The following MICU1 variants were observed in gnomAD, a reference collection of about 807,000 sequenced individuals.
The protein encoded by MICU1 is mitochondrial calcium uptake 1, also known as calcium uptake protein 1, mitochondrial.
MICU1 carries 45 observed loss-of-function variants against 56.8 expected under a neutral mutation model. The ratio of observed to expected loss-of-function variants is 0.79; its 90% confidence interval spans 0.62 to 1.02. The LOEUF (loss-of-function observed/expected upper bound fraction) is 1.02, where lower values mean the gene tolerates loss of function less well. Among genes scored for constraint, MICU1 ranks in the 50% least tolerant of loss-of-function variants. The pLI, the probability that MICU1 is intolerant of heterozygous loss-of-function variation, is 0.00. For synonymous variants in MICU1, 186 were observed against 195.1 expected, an observed-to-expected ratio of 0.95 and a Z score of 0.39; for missense variants, 504 against 587.1, an observed-to-expected ratio of 0.86 and a Z score of 1.46.
intron 10 of MICU1, among the ~76,000 whole-genome samples, chr10:72,388,754 T>C (rs1162787321): frequency 1.3e-5 from 2 of 152,144 alleles, no homozygotes; most frequent in African/African-American, 4.8e-5. Flanking sequence ...TGGTTTGAAA[T>C]GGTAAAGCCA....
intron 4 of MICU1, 125 bp downstream of exon 4, chr10:72,551,054 C>T: frequency 1.1e-6 from 1 of 945,894 alleles, no homozygotes. Context: ...GCCTGATATT[C>T]AATAGACACA....
chr10:72,568,258 T>C lies in MICU1; in HGVS notation c.-1-1464A>G, dbSNP rs77459728. On this transcript the variant is annotated intron_variant, in intron 1 of 11. Transcript: ENST00000361114. ...TGTTTTGTTTTAAATCTGAAACATC[T>C]GTATTAGTGCATATTACTGTTCAAT... 5.0e-4 allele frequency among the ~76,000 whole-genome samples: 76 copies of C among 152,380 alleles called. No individual in the cohort carries two copies. In the East Asian group the frequency reaches 0.014, roughly 29 times the overall value.
At chr10:72,497,874 A>G (rs1047154934) in intron 6 of MICU1, among the ~76,000 whole-genome samples, 1 of 152,246 alleles carries the variant, frequency 6.6e-6, no homozygotes, top group African/African-American at 2.4e-5. Context: ...AAATATTTTT[A>G]GAATTACCAC....
rs536696083 is a variant in MICU1 at position 72,621,261 on chromosome 10, G to A, written c.-2+4749C>T. ...GCCTATAATCCCAGCACTTTGGCTA[G>A]CAGATCACCTGAGGTCAGGAGTTCG... On this transcript the variant is annotated intron_variant, in intron 1 of 11. Transcript: ENST00000361114. Among the ~76,000 whole-genome samples the A allele has an allele frequency of 1.7e-3, 260 of 152,226 alleles. 1 individual carries two copies. The highest frequency in any genetic ancestry group is 3.0e-3 in the Non-Finnish European group (201 of 68,010).
At chr10:72,441,201 C>G (rs1326594065) in intron 8 of MICU1, among the ~76,000 whole-genome samples, 1 of 152,056 alleles carries the variant, frequency 6.6e-6, no homozygotes, top group Non-Finnish European at 1.5e-5. Context: ...ACATATACAC[C>G]ATGGAATACT....
chr10:72,618,687 T>G (rs1196763080), intron 1 of MICU1, among the ~76,000 whole-genome samples: 1 of 152,190 alleles, frequency 6.6e-6, no homozygotes, highest in African/African-American at 2.4e-5. Context: ...CATCTCAAAC[T>G]AGAGAATGCA....
At chr10:72,494,006 T>C (rs1866753372) in intron 6 of MICU1, among the ~76,000 whole-genome samples, 1 of 152,180 alleles carries the variant, frequency 6.6e-6, no homozygotes. Flanking sequence ...ATGAATTTGG[T>C]AGTGAAACGA....
chr10:72,590,524 A>G (rs34906646), intron 1 of MICU1, among the ~76,000 whole-genome samples: 70,350 of 151,902 alleles, frequency 0.46, 20,370 homozygotes, highest in Non-Finnish European at 0.67. Flanking sequence ...AGAAAACAGA[A>G]GACAGGTCGG....
intron 1 of MICU1, among the ~76,000 whole-genome samples, chr10:72,603,135 C>T (rs1841587203): frequency 6.6e-6 from 1 of 151,900 alleles, no homozygotes; most frequent in Non-Finnish European, 1.5e-5. Context: ...GCCTGTAATC[C>T]CCAGCACTTT....
intron 8 of MICU1, among the ~76,000 whole-genome samples, chr10:72,448,053 C>G (rs1164568286): frequency 6.6e-6 from 1 of 150,848 alleles, no homozygotes. Flanking sequence ...TAATTCTCAC[C>G]ATTCAGAAAG....
At chr10:72,606,056 G>A (rs1354393742) in intron 1 of MICU1, among the ~76,000 whole-genome samples, 1 of 151,358 alleles carries the variant, frequency 6.6e-6, no homozygotes, top group African/African-American at 2.4e-5. Context: ...ACTTGAACCT[G>A]GGAGGTGGAG....
intron 4 of MICU1, among the ~76,000 whole-genome samples, chr10:72,540,677 A>C (rs767389989): frequency 6.6e-6 from 1 of 152,156 alleles, no homozygotes; most frequent in Non-Finnish European, 1.5e-5. Context: ...CTGTCTCTAA[A>C]ATAAAACAAA....
At chr10:72,421,481 G>T (rs1864173262) in intron 9 of MICU1, among the ~76,000 whole-genome samples, 1 of 152,082 alleles carries the variant, frequency 6.6e-6, no homozygotes, top group South Asian at 2.1e-4. Context: ...TGCCATGTTG[G>T]CCAGGCTGGT....
chr10:72,465,315 T>TG (rs1055787716), intron 8 of MICU1, among the ~76,000 whole-genome samples: 30 of 150,380 alleles, frequency 2.0e-4, no homozygotes, highest in Admixed American at 9.9e-4. Context: ...TTTTGTTTTT[T>TG]TTTTTTTTTT....
At chr10:72,504,107 A>AT (rs1867166029) in intron 6 of MICU1, among the ~76,000 whole-genome samples, 1 of 152,146 alleles carries the variant, frequency 6.6e-6, no homozygotes, top group Non-Finnish European at 1.5e-5. Context: ...TACCAATGTC[A>AT]TTTTTCACAA....
At chr10:72,562,771 T>C in intron 3 of MICU1, 124 bp downstream of exon 3, 2 of 880,276 alleles carry the variant, frequency 2.3e-6, no homozygotes, top group Middle Eastern at 3.4e-4. Context: ...TGATAGAAAA[T>C]AGCAAAGAAG....
chr10:72,551,601 T>A (rs748782533), intron 3 of MICU1, among the ~76,000 whole-genome samples: 1 of 152,162 alleles, frequency 6.6e-6, no homozygotes, highest in Non-Finnish European at 1.5e-5. Flanking sequence ...TGTTTAAAAC[T>A]TTTTTTGAAG....
At chr10:72,605,158 C>T (rs764849460) in intron 1 of MICU1, among the ~76,000 whole-genome samples, 7 of 152,228 alleles carry the variant, frequency 4.6e-5, no homozygotes, top group Non-Finnish European at 7.4e-5. Flanking sequence ...AAGATGACAA[C>T]GAAAACAACC....
chr10:72,504,501 T>C (rs970707029), intron 6 of MICU1, among the ~76,000 whole-genome samples: 3 of 152,174 alleles, frequency 2.0e-5, no homozygotes, highest in African/African-American at 7.2e-5. Context: ...GATTGAAATG[T>C]AGGACCTCAA....
Sources: gnomAD v4.1 joint callset for allele counts (sites outside exome capture counted in the v4.1 genomes callset) on GRCh38, gnomAD v4.1.1 for gene constraint, MANE v1.5 for transcripts, NCBI Gene and HGNC (gene_info 2026-07-23, HGNC 2026-07-21) for gene names.